The following MYO1B variants were observed in gnomAD, a reference collection of about 807,000 sequenced individuals.
MYO1B encodes myosin IB, also known as unconventional myosin-Ib.
A neutral mutation model predicts 159.7 loss-of-function variants in MYO1B; 72 were observed. That is an observed-to-expected ratio of 0.45 (90% confidence interval 0.37 to 0.55). The LOEUF (loss-of-function observed/expected upper bound fraction) is 0.55. Ranked by LOEUF, MYO1B falls within the 20% of genes least tolerant of loss-of-function variation. The probability of loss-of-function intolerance (pLI) is 0.00; values close to 1 mark genes in which losing one functional copy is unlikely to be tolerated. For missense variants in MYO1B, 1,062 were observed against 1,364.8 expected, an observed-to-expected ratio of 0.78 and a Z score of 3.50; for synonymous variants, 468 against 473.8, an observed-to-expected ratio of 0.99 and a Z score of 0.16.
intron 27 of MYO1B, 64 bp downstream of exon 27, chr2:191,411,236 C>A: frequency 8.6e-6 from 9 of 1,042,774 alleles, no homozygotes; most frequent in Non-Finnish European, 1.3e-5. Context: ...TATATTTGTA[C>A]GCCGTTTTGC....
rs147108508 is a variant in MYO1B, at chr2:191,306,157, G to A, written c.251+9931G>A. On this transcript the variant is annotated intron_variant, in intron 3 of 30. Coordinates refer to ENST00000392318, the MANE Select transcript of MYO1B (RefSeq NM_001130158.3). ...GAAGGGGCATCAGGGCTGTGGGGGA[G>A]TCACGAGTGGTTTACTGGTTTAAAT... Among the ~76,000 whole-genome samples the A allele has an allele frequency of 5.8e-3, 880 of 152,290 alleles. 5 individuals are homozygous for A. The highest frequency in any genetic ancestry group is 0.02 in the African/African-American group (832 of 41,560).
intron 3 of MYO1B, among the ~76,000 whole-genome samples, chr2:191,310,343 C>T (rs903485576): frequency 7.2e-5 from 11 of 152,114 alleles, no homozygotes; most frequent in Non-Finnish European, 1.3e-4. Context: ...GCTGGGATTA[C>T]GGGCATGTGC....
At chr2:191,385,419 A>G (rs745327517) in intron 15 of MYO1B, among the ~76,000 whole-genome samples, 21 of 152,252 alleles carry the variant, frequency 1.4e-4, no homozygotes, top group Non-Finnish European at 3.1e-4. Flanking sequence ...ATTTGGAAAC[A>G]TAGAAAACGA....
rs746451088 is a variant in MYO1B at position 191,390,333 on chromosome 2, A to C, written c.1823A>C (p.Asn608Thr). 3.7e-6 allele frequency: 6 copies of C among 1,614,040 alleles called. No homozygotes were observed. Among genetic ancestry groups the C allele is most frequent in the Non-Finnish European group, 5.1e-6 (6 of 1,179,992 alleles). ...GATAAAAAAGCAGCACACATCTTCA[A>C]CGAGGCTCTAGTGTGTCATCAGATC... Reference protein sequence around the residue: ...PNDKKAAHIFNEALVCHQIRY... With the variant: ...PNDKKAAHIFTEALVCHQIRY... The change falls in exon 18 of 31, where the codon AAC (asparagine) becomes ACC (threonine). Residue 608 changes from asparagine to threonine, a missense_variant. Transcript: ENST00000392318.
intron 24 of MYO1B, among the ~76,000 whole-genome samples, chr2:191,404,192 A>C (rs1696772746): frequency 6.6e-6 from 1 of 152,146 alleles, no homozygotes; most frequent in South Asian, 2.1e-4. Flanking sequence ...TTTCCTGTGG[A>C]AATAATTACA....
At position 191,331,031 on chromosome 2, in the gene MYO1B, C is replaced by T. The variant is rs149619841; in HGVS notation, c.346+1002C>T. ...GCCTTGAAAGGCTCACTATCTACAT[C>T]GAAATGGTTTTCCTTCTACACCTAC... On this transcript the variant is annotated intron_variant, in intron 4 of 30. Transcript: ENST00000392318. Among the ~76,000 whole-genome samples the T allele has an allele frequency of 6.2e-3, 943 of 152,286 alleles. 10 individuals carry two copies. The highest frequency in any genetic ancestry group is 0.011 in the Non-Finnish European group (718 of 68,018).
rs1346535722 is a variant in MYO1B at position 191,424,178 on chromosome 2, T to G, written c.*218T>G. On this transcript the variant is annotated 3_prime_UTR_variant, in exon 31 of 31. Transcript: ENST00000392318. ...GGAGCAGGATTGTAGAAACTAACAG[T>G]GTCTATTTTCATGTCTGATGTGTTC... 1 of 526,232 alleles carries G rather than the reference T, an allele frequency of 1.9e-6. No individual in the cohort carries two copies. The highest frequency in any genetic ancestry group is 3.3e-6 in the Non-Finnish European group (1 of 305,144). The allele number at this position is 526,232 out of a possible 1,614,324, so 32.6% of individuals were successfully genotyped here. A position where few individuals can be genotyped will look rare whatever the true frequency, so the allele number is the denominator to read the frequency against.
chr2:191,412,770 C>T lies in MYO1B; in HGVS notation c.2874-1278C>T, dbSNP rs76478812. On this transcript the variant is annotated intron_variant, in intron 27 of 30. Transcript: ENST00000392318. Reference sequence around the variant, plus strand: ...ATGAACCTGTCCTGAAAGAGTCCCCCGACAAGTCTTTAGGGAAATTGATAT... The same window carrying T: ...ATGAACCTGTCCTGAAAGAGTCCCCTGACAAGTCTTTAGGGAAATTGATAT... Among the ~76,000 whole-genome samples, 1,980 of 152,232 alleles carry T rather than the reference C, an allele frequency of 0.013. 139 individuals carry two copies. The East Asian group carries it at 0.23, about 18-fold the overall frequency.
At chr2:191,247,101 G>T (rs1339934535) in intron 1 of MYO1B, among the ~76,000 whole-genome samples, 2 of 152,172 alleles carry the variant, frequency 1.3e-5, no homozygotes, top group Non-Finnish European at 2.9e-5. Flanking sequence ...ACTGTTTTGG[G>T]AGGAGGCTGA....
chr2:191,390,991 G>T (rs1310128067), intron 18 of MYO1B, among the ~76,000 whole-genome samples: 1 of 152,244 alleles, frequency 6.6e-6, no homozygotes, highest in African/African-American at 2.4e-5. Flanking sequence ...TGGACCCAGG[G>T]CCATACAGCT....
In MYO1B at chr2:191,251,503, A is replaced by T. The variant is rs1214837014; in HGVS notation, c.-10+5877A>T. The stretch of plus-strand genomic sequence containing the variant: ...AATGCAAGGGGCCTGTCTTTCCTTG[A>T]TAGCTTAAGAGAGGCTTAAGAGGAA... On this transcript the variant is annotated intron_variant, in intron 1 of 30. Coordinates refer to ENST00000392318, the MANE Select transcript of MYO1B (RefSeq NM_001130158.3). Among the ~76,000 whole-genome samples the T allele has an allele frequency of 2.6e-5, 4 of 152,328 alleles. No individual in the cohort carries two copies. The South Asian group carries it at 8.3e-4, about 32-fold the overall frequency.
intron 1 of MYO1B, among the ~76,000 whole-genome samples, chr2:191,263,883 A>G (rs909699429): frequency 1.2e-4 from 19 of 152,312 alleles, no homozygotes; most frequent in African/African-American, 4.6e-4. Context: ...ATAAATGTGA[A>G]TTTTATAAAC....
chr2:191,385,750 G>GTC, intron 15 of MYO1B, 134 bp from the exon 16 acceptor site: 1 of 913,944 alleles, frequency 1.1e-6, no homozygotes, highest in Non-Finnish European at 1.7e-6. Context: ...ATTGTTTTGA[G>GTC]TCTCTGCTTT....
At chr2:191,410,918 G>C in intron 26 of MYO1B, 148 bp from the exon 27 acceptor site, 1 of 543,836 alleles carries the variant, frequency 1.8e-6, no homozygotes, top group Non-Finnish European at 3.2e-6. Context: ...AAACCCACAA[G>C]GGAAAAATGT....
At chr2:191,310,994 A>G (rs538614602) in intron 3 of MYO1B, among the ~76,000 whole-genome samples, 1 of 152,206 alleles carries the variant, frequency 6.6e-6, no homozygotes, top group Non-Finnish European at 1.5e-5. Flanking sequence ...TAATTTAGGA[A>G]GGGGCAACAT....
At chr2:191,360,166 A>G (rs1374922265) in intron 7 of MYO1B, among the ~76,000 whole-genome samples, 1 of 152,214 alleles carries the variant, frequency 6.6e-6, no homozygotes, top group Admixed American at 6.5e-5. Context: ...CTGTAGAATG[A>G]TACCTTATAA....
chr2:191,380,230 A>G (rs555153106), intron 13 of MYO1B, among the ~76,000 whole-genome samples: 12 of 152,348 alleles, frequency 7.9e-5, no homozygotes, highest in African/African-American at 2.2e-4. Flanking sequence ...AAGTTTTCCT[A>G]AGTAAGACCA....
At chr2:191,409,355 G>A (rs190456054) in intron 26 of MYO1B, among the ~76,000 whole-genome samples, 177 bp downstream of exon 26, 13 of 152,278 alleles carry the variant, frequency 8.5e-5, no homozygotes, top group East Asian at 5.8e-4. Context: ...CCCCTGCAGC[G>A]GCCCAGGCGT....
chr2:191,268,909 G>T (rs764156988), intron 1 of MYO1B, among the ~76,000 whole-genome samples: 2 of 152,230 alleles, frequency 1.3e-5, no homozygotes, highest in South Asian at 4.1e-4. Context: ...TTGTGTGTGT[G>T]TAAGTGGGGA....
Sources: gnomAD v4.1 joint callset for allele counts (sites outside exome capture counted in the v4.1 genomes callset) on GRCh38, gnomAD v4.1.1 for gene constraint, MANE v1.5 for transcripts, NCBI Gene and HGNC (gene_info 2026-07-23, HGNC 2026-07-21) for gene names.